Variants in NFATC2 observed in about 807,000 individuals in gnomAD.
NFATC2 encodes nuclear factor of activated T-cells, cytoplasmic 2.
NFATC2 carries 22 observed loss-of-function variants against 87.3 expected under a neutral mutation model. The ratio of observed to expected loss-of-function variants is 0.25; its 90% CI spans 0.18 to 0.36. The LOEUF (loss-of-function observed/expected upper bound fraction) is 0.36. Among genes scored for constraint, NFATC2 ranks in the 10% least tolerant of loss-of-function variants. The pLI is 1.00. For missense variants in NFATC2, 1,149 were observed against 1,259.1 expected (o/e 0.91, Z 1.32); for synonymous variants, 565 against 542.2 (o/e 1.04, Z -0.58).
intron 6 of NFATC2, among the ~76,000 whole-genome samples, chr20:51,450,613 G>A (rs1488231757): frequency 1.3e-5 from 2 of 152,214 alleles, no homozygotes; most frequent in African/African-American, 2.4e-5. Context: ...TACAGACAGG[G>A]AAGCTGAGGC....
At chr20:51,458,770 C>T (rs1473194451) in intron 5 of NFATC2, among the ~76,000 whole-genome samples, 9 of 152,030 alleles carry the variant, frequency 5.9e-5, no homozygotes, top group African/African-American at 1.7e-4. Flanking sequence ...GCAGAGATCA[C>T]GCCCCTGCAC....
intron 1 of NFATC2, among the ~76,000 whole-genome samples, chr20:51,553,291 C>T (rs2076949564): frequency 6.6e-6 from 1 of 152,176 alleles, no homozygotes; most frequent in Non-Finnish European, 1.5e-5. Context: ...CACCTGGTCC[C>T]CGCACAACTA....
At chr20:51,542,865 A>G (rs922799340), upstream of NFATC2, 14 of 377,200 alleles carry the variant, frequency 3.7e-5, no homozygotes, top group Non-Finnish European at 5.1e-5. Context: ...TGCCGGGAGG[A>G]AGGAGGCTGT....
chr20:51,516,362 T>C (rs2076351137), intron 3 of NFATC2, among the ~76,000 whole-genome samples: 1 of 152,252 alleles, frequency 6.6e-6, no homozygotes, highest in Non-Finnish European at 1.5e-5. Context: ...ATAGCTATTT[T>C]AGGTAGTTTG....
intron 2 of NFATC2, among the ~76,000 whole-genome samples, chr20:51,518,592 G>A (rs991417400): frequency 2.6e-5 from 4 of 151,340 alleles, no homozygotes; most frequent in African/African-American, 4.9e-5. Flanking sequence ...TTGAAATATC[G>A]AAAATGGATT....
intron 1 of NFATC2, among the ~76,000 whole-genome samples, chr20:51,528,087 A>G (rs1460758054): frequency 4.2e-5 from 3 of 72,230 alleles, no homozygotes; most frequent in African/African-American, 6.7e-5. Flanking sequence ...ACCTGTCCCA[A>G]AAAAAAAAAA....
At chr20:51,428,495 C>A (rs190018427) in intron 9 of NFATC2, among the ~76,000 whole-genome samples, 9 of 152,282 alleles carry the variant, frequency 5.9e-5, no homozygotes, top group African/African-American at 2.2e-4. Context: ...CAAGAACAAA[C>A]GGGGCCAAGC....
intron 4 of NFATC2, 90 bp from the exon 5 acceptor site, chr20:51,474,242 T>TG: frequency 2.0e-6 from 3 of 1,478,676 alleles, no homozygotes; most frequent in Non-Finnish European, 2.8e-6. Flanking sequence ...AGCCAGTCAC[T>TG]GGGGGAAACT....
upstream of NFATC2, among the ~76,000 whole-genome samples, chr20:51,543,768 A>G (rs772718127): frequency 1.3e-5 from 2 of 152,160 alleles, no homozygotes; most frequent in South Asian, 4.1e-4. Flanking sequence ...CAAACACTGC[A>G]TAAGGACCCA....
chr20:51,532,073 T>C (rs1267489205), intron 1 of NFATC2, among the ~76,000 whole-genome samples: 1 of 152,206 alleles, frequency 6.6e-6, no homozygotes, highest in East Asian at 1.9e-4. Context: ...AAAGTGTTAG[T>C]GGGTCAGTGA....
intron 5 of NFATC2, among the ~76,000 whole-genome samples, chr20:51,466,370 T>A (rs1406555457): frequency 6.6e-6 from 1 of 152,012 alleles, no homozygotes; most frequent in Non-Finnish European, 1.5e-5. Flanking sequence ...CCCTCCCTAA[T>A]TCTAAGGGTT....
chr20:51,520,296 A>G (rs1402149329), intron 2 of NFATC2, among the ~76,000 whole-genome samples: 1 of 152,248 alleles, frequency 6.6e-6, no homozygotes, highest in African/African-American at 2.4e-5. Context: ...TACGTAGCAC[A>G]AAGAACAAGG....
chr20:51,458,746 G>C (rs4481056), intron 5 of NFATC2, among the ~76,000 whole-genome samples: 1 of 152,008 alleles, frequency 6.6e-6, no homozygotes, highest in Non-Finnish European at 1.5e-5. Context: ...CCGGGGAGGC[G>C]GAGGTTACAG....
At chr20:51,420,408 T>C (rs757944095) in intron 9 of NFATC2, among the ~76,000 whole-genome samples, 8 of 152,166 alleles carry the variant, frequency 5.3e-5, no homozygotes, top group Non-Finnish European at 1.2e-4. Context: ...CCTCTCAGTT[T>C]TACTGCTAAC....
rs915094772 is a variant in NFATC2 at position 51,432,823 on chromosome 20, G to A, written c.2033-67C>T. ...AGCCACGGATGTGCACGGAGGATTCGTGGATGGTGCTTGAGAACATGGCCT... is the reference window on the plus strand; with the variant it reads ...AGCCACGGATGTGCACGGAGGATTCATGGATGGTGCTTGAGAACATGGCCT... On this transcript the variant is annotated intron_variant, in intron 8 of 10. Coordinates refer to ENST00000371564, the MANE Select transcript of NFATC2 (RefSeq NM_012340.5). The surrounding 1 kb of genome is among the most constrained non-coding windows in gnomAD (Gnocchi z 4.6). The A allele has an allele frequency of 1.1e-4, 151 of 1,394,228 alleles. No individual in the cohort carries two copies. Among genetic ancestry groups the A allele is most frequent in the Middle Eastern group, 7.8e-4 (3 of 3,836 alleles). 86.4% of individuals were successfully genotyped at this position (1,394,228 alleles called of 1,614,324 possible).
chr20:51,494,410 T>A (rs897518102), intron 3 of NFATC2, among the ~76,000 whole-genome samples: 24 of 152,082 alleles, frequency 1.6e-4, no homozygotes, highest in African/African-American at 5.6e-4. Context: ...TACTTTCAAG[T>A]GGAAATGCGG....
rs1167807995 is a variant in NFATC2 at position 51,388,204 on chromosome 20, C to A, written c.*3292G>T. On this transcript the variant is annotated 3_prime_UTR_variant, in exon 11 of 11. Transcript: ENST00000371564. ...CATGAATTCTTTTCGAATTCCATTA[C>A]AATGCAGGCAGGGTTTTGGTGTCAA... The A allele has an allele frequency of 6.6e-6, 1 of 152,138 alleles. No homozygotes were observed. Among genetic ancestry groups the A allele is most frequent in the Non-Finnish European group, 1.5e-5 (1 of 68,020 alleles). 9.4% of individuals were successfully genotyped at this position (152,138 alleles called of 1,614,324 possible).
chr20:51,479,897 G>A (rs181035961), intron 3 of NFATC2, among the ~76,000 whole-genome samples: 8 of 152,294 alleles, frequency 5.3e-5, no homozygotes, highest in East Asian at 3.9e-4. Context: ...TGTCCTCAGC[G>A]CTTGGTGGAT....
chr20:51,396,601 C>CAGAA (rs1364860721), intron 10 of NFATC2, among the ~76,000 whole-genome samples: 1 of 152,138 alleles, frequency 6.6e-6, no homozygotes, highest in Non-Finnish European at 1.5e-5. Flanking sequence ...AGGCCATGGC[C>CAGAA]AGAAAGACAC....
Sources: allele counts gnomAD v4.1 joint callset (sites outside exome capture counted in the v4.1 genomes callset), GRCh38; gene constraint gnomAD v4.1.1; non-coding constraint Gnocchi (gnomAD v3.1); transcripts MANE v1.5; gene names NCBI Gene and HGNC (gene_info 2026-07-23, HGNC 2026-07-21).